The following RBM19 variants were observed in gnomAD, a reference collection of about 807,000 sequenced individuals.
The protein encoded by RBM19 is RNA binding motif protein 19, also known as probable RNA-binding protein 19.
RBM19 carries 94 observed loss-of-function variants against 116.8 expected under a neutral mutation model. The observed-to-expected ratio is 0.80, with a 90% CI of 0.68 to 0.95. RBM19 has a LOEUF of 0.95. Ranked by LOEUF, RBM19 falls within the 40% of genes least tolerant of loss-of-function variation. RBM19 has a pLI of 0.00. For missense variants in RBM19, 1,161 were observed against 1,220.7 expected (o/e 0.95, Z 0.73); for synonymous variants, 475 against 494.1 (o/e 0.96, Z 0.51).
intron 21 of RBM19, among the ~76,000 whole-genome samples, chr12:113,895,145 C>G (rs1446199183): frequency 6.6e-6 from 1 of 152,232 alleles, no homozygotes; most frequent in Non-Finnish European, 1.5e-5. Context: ...CAATTACACT[C>G]CATCGAGTTC....
chr12:113,899,396 T>C (rs1374035459), intron 21 of RBM19, among the ~76,000 whole-genome samples: 3 of 152,210 alleles, frequency 2.0e-5, no homozygotes, highest in Non-Finnish European at 2.9e-5. Flanking sequence ...ACTGACCTTG[T>C]ATCTTACAGC....
chr12:113,828,099 C>CAA lies in RBM19; in HGVS notation c.2786-4780_2786-4779dup, dbSNP rs34234377. ...GCAACAGCAGCTCTCGACTCTGTCT[C>CAA]AAAAAAAAAAAAAAAAAAAAAAGTG... On this transcript the variant is annotated intron_variant, in intron 23 of 23. Transcript: ENST00000261741. Among the ~76,000 whole-genome samples, 150 of 67,028 alleles carry CAA rather than the reference C, an allele frequency of 2.2e-3. 2 individuals are homozygous for CAA. Among genetic ancestry groups the CAA allele is most frequent in the South Asian group, 0.011 (19 of 1,726 alleles). The allele number at this position is 67,028 out of a possible 152,430, so 44.0% of individuals were successfully genotyped here. A position where few individuals can be genotyped will look rare whatever the true frequency, so the allele number is the denominator to read the frequency against.
intron 22 of RBM19, 102 bp downstream of exon 22, chr12:113,858,688 TG>T: frequency 9.5e-7 from 1 of 1,056,908 alleles, no homozygotes. Context: ...AACACCTGCA[TG>T]GGGAGGTGAC....
At chr12:113,954,172 G>T (rs961106111) in intron 7 of RBM19, among the ~76,000 whole-genome samples, 5 of 152,180 alleles carry the variant, frequency 3.3e-5, no homozygotes, top group African/African-American at 9.7e-5. Context: ...TTTCCAAAGA[G>T]TTCCCAGTAA....
chr12:113,922,075 A>G (rs1868627171), intron 18 of RBM19, among the ~76,000 whole-genome samples: 1 of 152,060 alleles, frequency 6.6e-6, no homozygotes, highest in Admixed American at 6.6e-5. Flanking sequence ...TGCAGTGGCC[A>G]CGTCCAATCC....
At chr12:113,854,407 C>T (rs745961590) in intron 22 of RBM19, among the ~76,000 whole-genome samples, 10 of 152,032 alleles carry the variant, frequency 6.6e-5, no homozygotes, top group Admixed American at 1.3e-4. Flanking sequence ...CCCAGGAGAC[C>T]GCTGCATTCA....
Position 113,903,242 on chromosome 12 carries a change from A to C in RBM19, c.2558+11727T>G, listed in dbSNP as rs1186768744. On this transcript the variant is annotated intron_variant, in intron 21 of 23. Transcript: ENST00000261741. The surrounding 1 kb of genome is among the most constrained non-coding windows in gnomAD (Gnocchi z 5.1). ...GGTTGGTGGAATCTGTGGGTGCAGA[A>C]TCTGTGGATGTGGAACCCACAGATA... Among the ~76,000 whole-genome samples, 1 of 152,216 alleles carries C rather than the reference A, an allele frequency of 6.6e-6. No individual in the cohort carries two copies. The highest frequency in any genetic ancestry group is 2.4e-5 in the African/African-American group (1 of 41,462).
intron 13 of RBM19, among the ~76,000 whole-genome samples, chr12:113,945,335 A>C (rs1453496545): frequency 6.6e-6 from 1 of 152,216 alleles, no homozygotes; most frequent in Non-Finnish European, 1.5e-5. Flanking sequence ...CTCTGGCTTC[A>C]GAGACTGGGG....
At chr12:113,922,987 A>T (rs1288109959) in intron 18 of RBM19, among the ~76,000 whole-genome samples, 1 of 152,206 alleles carries the variant, frequency 6.6e-6, no homozygotes, top group African/African-American at 2.4e-5. Flanking sequence ...TACAAAAATT[A>T]GCCGGGTGTG....
intron 23 of RBM19, among the ~76,000 whole-genome samples, chr12:113,837,518 T>C (rs7975797): frequency 0.015 from 2,309 of 152,298 alleles, 50 homozygotes; most frequent in African/African-American, 0.049. Flanking sequence ...CAGGCATCCT[T>C]CCCTTGGAGC....
At chr12:113,891,087 G>A (rs1376225742) in intron 21 of RBM19, among the ~76,000 whole-genome samples, 2 of 152,054 alleles carry the variant, frequency 1.3e-5, no homozygotes, top group African/African-American at 2.4e-5. Flanking sequence ...ACAGGCATGA[G>A]CCACCAGGCC....
chr12:113,826,573 T>C (rs1874876496), intron 23 of RBM19, among the ~76,000 whole-genome samples: 4 of 152,200 alleles, frequency 2.6e-5, no homozygotes, highest in Admixed American at 1.3e-4. Flanking sequence ...GGGTCGGGCA[T>C]GGTGGGGAAC....
chr12:113,929,960 A>T (rs564426189), intron 16 of RBM19, among the ~76,000 whole-genome samples: 1 of 152,382 alleles, frequency 6.6e-6, no homozygotes, highest in African/African-American at 2.4e-5. Flanking sequence ...GCTCATGGCC[A>T]GTTTAAAGGA....
chr12:113,890,839 G>C (rs1382222757), intron 21 of RBM19, among the ~76,000 whole-genome samples: 1 of 152,204 alleles, frequency 6.6e-6, no homozygotes, highest in Non-Finnish European at 1.5e-5. Context: ...CCTGGCTGGA[G>C]AGCAGTGGCG....
At chr12:113,959,097 G>A (rs1178620778) in intron 5 of RBM19, 115 bp downstream of exon 5, 43 of 1,112,404 alleles carry the variant, frequency 3.9e-5, no homozygotes, top group Non-Finnish European at 5.5e-5. Flanking sequence ...CCCCAATGGA[G>A]AGCTCAAGGG....
chr12:113,826,963 A>G (rs1230094003), intron 23 of RBM19, among the ~76,000 whole-genome samples: 4 of 152,168 alleles, frequency 2.6e-5, no homozygotes, highest in Non-Finnish European at 5.9e-5. Flanking sequence ...TGGGCCTGGC[A>G]TATCTGCCAG....
At chr12:113,924,671 C>G in intron 18 of RBM19, 26 bp downstream of exon 18, 3 of 1,523,098 alleles carry the variant, frequency 2.0e-6, no homozygotes, top group Non-Finnish European at 2.7e-6. Flanking sequence ...GAATACTGAA[C>G]ACTTTCCGAA....
In RBM19 at chr12:113,948,887, T is replaced by A; in HGVS notation, c.1222A>T (p.Asn408Tyr). 1 of 1,614,202 alleles carries A rather than the reference T, an allele frequency of 6.2e-7. No individual in the cohort carries two copies. The highest frequency in any genetic ancestry group is 1.3e-5 in the African/African-American group (1 of 75,066). ...TCCTCGGTGCTGGTGTAGGGCAGGTTCCGTACAAAGAGCCTTCCGGATTCG... is the reference window on the plus strand; with the variant it reads ...TCCTCGGTGCTGGTGTAGGGCAGGTACCGTACAAAGAGCCTTCCGGATTCG... ...LAESGRLFVR[N>Y]LPYTSTEEDL... is the part of the protein sequence containing the mutation. Residue 408 changes from asparagine (N) to tyrosine (Y), a missense_variant, in exon 10 of 24, where the codon AAC (asparagine) becomes TAC (tyrosine). Asn to Tyr is a moderately radical substitution (Grantham distance 143, BLOSUM62 -2). Transcript: ENST00000261741.
chr12:113,851,777 C>T (rs1180089363), intron 22 of RBM19, among the ~76,000 whole-genome samples: 1 of 146,102 alleles, frequency 6.8e-6, no homozygotes, highest in Non-Finnish European at 1.5e-5. Context: ...AGGCTGGGTG[C>T]GGTGGCTCAC....
Sources: allele counts gnomAD v4.1 joint callset (sites outside exome capture counted in the v4.1 genomes callset), GRCh38; gene constraint gnomAD v4.1.1; non-coding constraint Gnocchi (gnomAD v3.1); transcripts MANE v1.5; gene names NCBI Gene and HGNC (gene_info 2026-07-23, HGNC 2026-07-21).